Variants in GID4 observed in about 807,000 individuals in gnomAD.
GID4 encodes glucose-induced degradation protein 4 homolog.
A neutral mutation model predicts 32.4 loss-of-function variants in GID4; 7 were observed. The observed-to-expected ratio is 0.22, with a 90% confidence interval of 0.12 to 0.41. The LOEUF is 0.41. Ranked by LOEUF, GID4 falls within the 10% of genes least tolerant of loss-of-function variation. The probability of loss-of-function intolerance (pLI) is 1.00; values close to 1 mark genes in which losing one functional copy is unlikely to be tolerated. For synonymous variants in GID4, 166 were observed against 170.0 expected (o/e 0.98, Z 0.18); for missense variants, 309 against 400.0 (o/e 0.77, Z 1.94).
chr17:18,045,943 A>G (rs1460961154), intron 2 of GID4, among the ~76,000 whole-genome samples: 2 of 152,030 alleles, frequency 1.3e-5, no homozygotes, highest in Non-Finnish European at 2.9e-5. Flanking sequence ...TCTAGTTTCC[A>G]GCAGAAGTAC....
At chr17:18,059,928 T>C (rs1001843341) in intron 4 of GID4, among the ~76,000 whole-genome samples, 1 of 148,128 alleles carries the variant, frequency 6.8e-6, no homozygotes, top group African/African-American at 2.5e-5. Flanking sequence ...TACTAAAAAA[T>C]ACAAAAAATT....
intron 1 of GID4, among the ~76,000 whole-genome samples, chr17:18,040,169 C>G (rs982947644): frequency 1.3e-5 from 2 of 152,306 alleles, no homozygotes; most frequent in Middle Eastern, 6.8e-3. Context: ...GTGACCGGCC[C>G]GTCTGGGATC....
At chr17:18,059,711 G>A (rs748764889) in intron 4 of GID4, among the ~76,000 whole-genome samples, 7 of 152,132 alleles carry the variant, frequency 4.6e-5, no homozygotes, top group Admixed American at 6.5e-5. Flanking sequence ...GTTTTATCTT[G>A]AAATCTTGTC....
chr17:18,056,185 G>A (rs114039259), intron 3 of GID4, among the ~76,000 whole-genome samples: 1 of 152,230 alleles, frequency 6.6e-6, no homozygotes. Flanking sequence ...GTAAAAAAAG[G>A]AGATCTATCA....
intron 3 of GID4, among the ~76,000 whole-genome samples, chr17:18,055,338 C>T (rs533141901): frequency 7.2e-5 from 11 of 152,254 alleles, no homozygotes; most frequent in African/African-American, 2.6e-4. Context: ...ACTCGTTCTT[C>T]CCATTGCCTC....
At chr17:18,062,655 C>G (rs1437389891) in intron 5 of GID4, among the ~76,000 whole-genome samples, 1 of 152,204 alleles carries the variant, frequency 6.6e-6, no homozygotes, top group Non-Finnish European at 1.5e-5. Context: ...AGTGATCCTA[C>G]CCTAGATTCC....
chr17:18,057,187 T>G, intron 3 of GID4: 1 of 912,190 alleles, frequency 1.1e-6, no homozygotes, highest in Non-Finnish European at 1.6e-6. Flanking sequence ...ATGCCAGCAC[T>G]TTGGGAGGCC....
intron 5 of GID4, among the ~76,000 whole-genome samples, chr17:18,064,585 C>T (rs527273975): frequency 1.3e-5 from 2 of 152,268 alleles, no homozygotes; most frequent in African/African-American, 4.8e-5. Context: ...CCCTATTTCT[C>T]CTCCCTCTGC....
intron 2 of GID4, among the ~76,000 whole-genome samples, chr17:18,052,248 T>C (rs1359308655): frequency 6.6e-6 from 1 of 152,120 alleles, no homozygotes; most frequent in Non-Finnish European, 1.5e-5. Flanking sequence ...AGATTTATCA[T>C]ATTTTAAGTT....
intron 3 of GID4, among the ~76,000 whole-genome samples, chr17:18,058,171 C>T (rs1173471430): frequency 3.9e-5 from 6 of 152,258 alleles, no homozygotes; most frequent in African/African-American, 9.6e-5. Context: ...TTTCCCTGAA[C>T]GATACAGTAT....
chr17:18,055,576 C>T (rs2044958549), intron 3 of GID4, among the ~76,000 whole-genome samples: 1 of 152,014 alleles, frequency 6.6e-6, no homozygotes, highest in Non-Finnish European at 1.5e-5. Context: ...ATAGCCTCAA[C>T]CTCCTGGGCT....
chr17:18,039,520 G>C lies in GID4; in HGVS notation c.56G>C (p.Cys19Ser). The C allele has an allele frequency of 7.6e-7, 1 of 1,312,696 alleles. No individual in the cohort carries two copies. Among genetic ancestry groups the C allele is most frequent in the African/African-American group, 1.5e-5 (1 of 64,898 alleles). The allele number at this position is 1,312,696 out of a possible 1,614,324, so 81.3% of individuals were successfully genotyped here. Residue 19 changes from cysteine to serine, a missense_variant, in exon 1 of 6, where the codon TGC (cysteine) becomes TCC (serine). Physicochemically the swap from Cys to Ser is moderately radical, Grantham distance 112 (BLOSUM62 -1). Coordinates refer to ENST00000268719, the MANE Select transcript of GID4 (RefSeq NM_024052.5). The surrounding 1 kb of genome is among the most constrained non-coding windows in gnomAD (Gnocchi z 5.3). ...RGTQLRTGRP[C>S]SQVPGSRWRP... is the part of the protein sequence containing the mutation. ...ACCCAGCTCAGGACTGGGAGGCCCTGCTCGCAGGTCCCTGGGTCCCGGTGG... is the reference window on the plus strand; with the variant it reads ...ACCCAGCTCAGGACTGGGAGGCCCTCCTCGCAGGTCCCTGGGTCCCGGTGG...
At chr17:18,058,595 A>G (rs926121029) in intron 3 of GID4, among the ~76,000 whole-genome samples, 11 of 152,030 alleles carry the variant, frequency 7.2e-5, no homozygotes, top group African/African-American at 2.4e-4. Flanking sequence ...CACCATTCCC[A>G]TCCTTTGGCC....
chr17:18,046,078 G>A (rs925803792), intron 2 of GID4, among the ~76,000 whole-genome samples: 6 of 152,188 alleles, frequency 3.9e-5, no homozygotes, highest in African/African-American at 1.2e-4. Flanking sequence ...AGTGGAAGGA[G>A]GTAGCTGGAC....
At chr17:18,041,374 C>G (rs1225757608) in intron 1 of GID4, among the ~76,000 whole-genome samples, 1 of 152,200 alleles carries the variant, frequency 6.6e-6, no homozygotes, top group Non-Finnish European at 1.5e-5. Flanking sequence ...ACTCATCACT[C>G]TTTTATTCTC....
intron 2 of GID4, among the ~76,000 whole-genome samples, chr17:18,048,933 G>A (rs894861475): frequency 2.0e-5 from 3 of 151,730 alleles, no homozygotes; most frequent in Non-Finnish European, 4.4e-5. Flanking sequence ...ATGAGCCACC[G>A]TGCCTGGCAA....
intron 2 of GID4, among the ~76,000 whole-genome samples, chr17:18,048,523 A>G (rs1241679219): frequency 1.3e-5 from 2 of 152,294 alleles, no homozygotes; most frequent in East Asian, 1.9e-4. Flanking sequence ...AGTCTAGTAT[A>G]TGGTTGCCGT....
chr17:18,062,055 C>A, intron 5 of GID4, 80 bp downstream of exon 5: 2 of 1,344,956 alleles, frequency 1.5e-6, no homozygotes, highest in Admixed American at 3.4e-5. Context: ...AACCCAAAAG[C>A]AACATCTTAG....
At chr17:18,055,030 G>C (rs967335644) in intron 3 of GID4, among the ~76,000 whole-genome samples, 16 of 152,082 alleles carry the variant, frequency 1.1e-4, no homozygotes, top group Non-Finnish European at 2.1e-4. Flanking sequence ...AATTAGCTGG[G>C]CGTGGTGGTG....
Sources: gnomAD v4.1 joint callset for allele counts (sites outside exome capture counted in the v4.1 genomes callset) on GRCh38, gnomAD v4.1.1 for gene constraint, Gnocchi (gnomAD v3.1) non-coding constraint, MANE v1.5 for transcripts, NCBI Gene and HGNC (gene_info 2026-07-23, HGNC 2026-07-21) for gene names.